CSGALNACT1: variants seen among roughly 807,000 people sequenced by gnomAD.
CSGALNACT1 encodes beta4GalNAcT-1.
A neutral mutation model predicts 51.0 loss-of-function variants in CSGALNACT1; 52 were observed. That is an observed-to-expected ratio of 1.02 (90% CI 0.82 to 1.29). The LOEUF is 1.29. Ranked by LOEUF, CSGALNACT1 falls within the 50% of genes most tolerant of loss-of-function variation. CSGALNACT1 has a pLI of 0.00. For synonymous variants in CSGALNACT1, 341 were observed against 254.4 expected (o/e 1.34, Z -3.24); for missense variants, 935 against 679.2 (o/e 1.38, Z -4.19).
chr8:19,634,805 C>A (rs966500371), intron 1 of CSGALNACT1, among the ~76,000 whole-genome samples: 67 of 152,352 alleles, frequency 4.4e-4, no homozygotes, highest in Admixed American at 2.9e-3. Context: ...TCTTGGACTT[C>A]CAGCCTCTAG....
chr8:19,668,030 A>C (rs142954959), intron 1 of CSGALNACT1, among the ~76,000 whole-genome samples: 48 of 152,342 alleles, frequency 3.2e-4, no homozygotes, highest in African/African-American at 1.1e-3. Flanking sequence ...GAAAGTAAGA[A>C]TATAAAAACT....
intron 2 of CSGALNACT1, among the ~76,000 whole-genome samples, chr8:19,593,105 C>A (rs1016151437): frequency 6.6e-6 from 1 of 152,168 alleles, no homozygotes; most frequent in Non-Finnish European, 1.5e-5. Context: ...GTACAAGAAG[C>A]TAACTGCTTC....
chr8:19,418,558 C>T, intron 8 of CSGALNACT1, 98 bp downstream of exon 7: 1 of 822,828 alleles, frequency 1.2e-6, no homozygotes. Context: ...GGAATCATTG[C>T]ACAGATTTCT....
chr8:19,480,206 A>G (rs1462697980), intron 4 of CSGALNACT1, among the ~76,000 whole-genome samples: 1 of 152,186 alleles, frequency 6.6e-6, no homozygotes, highest in East Asian at 1.9e-4. Context: ...AGATTATTTC[A>G]TCACCCCAGT....
At chr8:19,420,497 A>G (rs1228054992) in exon 7 of CSGALNACT1, 1 of 1,614,124 alleles carries the variant, frequency 6.2e-7, no homozygotes, top group Non-Finnish European at 8.5e-7. Flanking sequence ...GGATGAAGGT[A>G]AAGTTCCTGA....
chr8:19,474,166 A>G (rs1242259048), intron 4 of CSGALNACT1, among the ~76,000 whole-genome samples: 1 of 152,168 alleles, frequency 6.6e-6, no homozygotes, highest in East Asian at 1.9e-4. Flanking sequence ...AACAGGTGCT[A>G]TAACAAAGCC....
chr8:19,585,177 T>C (rs1285497169), intron 3 of CSGALNACT1: 1 of 152,248 alleles, frequency 6.6e-6, no homozygotes, highest in Non-Finnish European at 1.5e-5. Flanking sequence ...TTTCCTTTCT[T>C]CTGGTCCACC....
At chr8:19,420,671 G>C (rs577195936) in intron 6 of CSGALNACT1, among the ~76,000 whole-genome samples, 153 bp from the exon 6 acceptor site, 36 of 152,318 alleles carry the variant, frequency 2.4e-4, no homozygotes, top group Non-Finnish European at 4.7e-4. Context: ...GAACGGCCCA[G>C]ACTCACAGGA....
At position 19,678,161 on chromosome 8, in the gene CSGALNACT1, T is replaced by A. The variant is rs7016155; in HGVS notation, c.-544+4312A>T. Among the ~76,000 whole-genome samples the A allele has an allele frequency of 3.8e-3, 586 of 152,240 alleles. 3 individuals carry two copies. The highest frequency in any genetic ancestry group is 0.014 in the African/African-American group (561 of 41,544). Reference sequence around the variant, plus strand: ...ATGCTACTTAGTCATACTGCAAATATGTTTCCTAAATTGTTTTCTCAGGGA... The same window carrying A: ...ATGCTACTTAGTCATACTGCAAATAAGTTTCCTAAATTGTTTTCTCAGGGA... On this transcript the variant is annotated intron_variant, in intron 1 of 9. Transcript: ENST00000332246.
At chr8:19,605,419 G>C (rs1453066194), upstream of CSGALNACT1, among the ~76,000 whole-genome samples, 1 of 152,212 alleles carries the variant, frequency 6.6e-6, no homozygotes, top group Non-Finnish European at 1.5e-5. Context: ...CTGGGGGAGA[G>C]AGTGAGACTC....
At chr8:19,696,930 T>C (rs1013416576) in intron 1 of CSGALNACT1, among the ~76,000 whole-genome samples, 3 of 152,188 alleles carry the variant, frequency 2.0e-5, no homozygotes, top group Non-Finnish European at 2.9e-5. Flanking sequence ...CAATGAATAC[T>C]AGCATGAAAA....
chr8:19,437,812 A>T (rs2060625781), intron 6 of CSGALNACT1, among the ~76,000 whole-genome samples: 1 of 152,156 alleles, frequency 6.6e-6, no homozygotes, highest in Non-Finnish European at 1.5e-5. Context: ...GGGTAGATTG[A>T]TGACTAGATG....
intron 4 of CSGALNACT1, among the ~76,000 whole-genome samples, chr8:19,494,558 T>C (rs977773535): frequency 6.6e-6 from 1 of 152,210 alleles, no homozygotes; most frequent in African/African-American, 2.4e-5. Flanking sequence ...GCACTGAGAA[T>C]GCCTAAGTCA....
intron 8 of CSGALNACT1, among the ~76,000 whole-genome samples, chr8:19,412,283 C>G (rs1046946589): frequency 1.3e-5 from 2 of 152,222 alleles, no homozygotes; most frequent in Non-Finnish European, 2.9e-5. Context: ...TGCTCTCTCA[C>G]AGGAAGTTTC....
chr8:19,737,692 T>C (rs1033445352), intron 1 of CSGALNACT1, among the ~76,000 whole-genome samples: 2 of 152,116 alleles, frequency 1.3e-5, no homozygotes, highest in Non-Finnish European at 2.9e-5. Flanking sequence ...TAAGTAGCAG[T>C]AATCACAATA....
At chr8:19,543,713 T>C (rs2085794991) in intron 3 of CSGALNACT1, among the ~76,000 whole-genome samples, 1 of 152,122 alleles carries the variant, frequency 6.6e-6, no homozygotes, top group Non-Finnish European at 1.5e-5. Flanking sequence ...CATGGATTCC[T>C]CCAGACTACA....
intron 3 of CSGALNACT1, among the ~76,000 whole-genome samples, chr8:19,584,360 G>T (rs190753077): frequency 1.1e-4 from 17 of 152,262 alleles, no homozygotes; most frequent in African/African-American, 3.9e-4. Context: ...AGTCTATGGT[G>T]ATTTTCACAT....
At chr8:19,455,976 G>A (rs552545706) in intron 5 of CSGALNACT1, among the ~76,000 whole-genome samples, 16 of 152,308 alleles carry the variant, frequency 1.1e-4, no homozygotes, top group Admixed American at 9.1e-4. Flanking sequence ...ACCTCCACGA[G>A]CAAGGGACAT....
intron 3 of CSGALNACT1, among the ~76,000 whole-genome samples, chr8:19,572,234 T>C (rs1338646228): frequency 6.6e-6 from 1 of 152,218 alleles, no homozygotes; most frequent in Non-Finnish European, 1.5e-5. Flanking sequence ...CTCCAGAAGA[T>C]TTACATGTTT....
Sources: gnomAD v4.1 joint callset for allele counts (sites outside exome capture counted in the v4.1 genomes callset) on GRCh38, gnomAD v4.1.1 for gene constraint, MANE v1.5 for transcripts, NCBI Gene and HGNC (gene_info 2026-07-23, HGNC 2026-07-21) for gene names.